The following SMAP1 variants were observed in gnomAD, a reference collection of about 807,000 sequenced individuals.
SMAP1 encodes stromal membrane-associated protein 1.
Under a neutral mutation model 58.5 loss-of-function variants are expected in SMAP1, and 24 were observed. That is an observed-to-expected ratio of 0.41 (90% confidence interval 0.30 to 0.58). The LOEUF is 0.58. SMAP1 is among the 20% of genes least tolerant of loss of function. SMAP1 has a pLI of 0.29. For missense variants in SMAP1, 563 were observed against 566.3 expected, an observed-to-expected ratio of 0.99 and a Z score of 0.06; for synonymous variants, 216 against 196.6, an observed-to-expected ratio of 1.10 and a Z score of -0.82.
chr6:70,790,064 C>T (rs898700369), intron 4 of SMAP1, among the ~76,000 whole-genome samples: 2 of 152,176 alleles, frequency 1.3e-5, no homozygotes, highest in African/African-American at 4.8e-5. Flanking sequence ...ATTTTTGTTC[C>T]ACTTTTCATG....
At chr6:70,709,462 G>A (rs1288544244) in intron 1 of SMAP1, among the ~76,000 whole-genome samples, 4 of 151,984 alleles carry the variant, frequency 2.6e-5, no homozygotes, top group South Asian at 2.1e-4. Context: ...CTGAGCCTGC[G>A]ACTGCAGGTG....
chr6:70,701,716 A>G (rs1485811436), intron 1 of SMAP1, among the ~76,000 whole-genome samples: 3 of 152,100 alleles, frequency 2.0e-5, no homozygotes, highest in Non-Finnish European at 4.4e-5. Flanking sequence ...TCTCTGTCAT[A>G]CAGCTGCTGT....
chr6:70,847,740 A>C (rs1312352582), intron 7 of SMAP1, among the ~76,000 whole-genome samples: 3 of 152,060 alleles, frequency 2.0e-5, no homozygotes, highest in African/African-American at 7.2e-5. Flanking sequence ...ATACTAATTA[A>C]AGGGGGACTG....
chr6:70,814,164 T>A (rs1387884141), intron 6 of SMAP1, among the ~76,000 whole-genome samples: 1 of 152,152 alleles, frequency 6.6e-6, no homozygotes, highest in East Asian at 1.9e-4. Flanking sequence ...TCTTTTACAG[T>A]TGCCTCTTTC....
At position 70,786,962 on chromosome 6, in the gene SMAP1, A is replaced by G. The variant is rs528660101; in HGVS notation, c.415-4727A>G. ...TGGAAAAAACTACTTTAAAGTTCAT[A>G]TGGAACCAAAAAAGAGCCCGCATCG... On this transcript the variant is annotated intron_variant, in intron 4 of 10. Coordinates refer to ENST00000370455, the MANE Select transcript of SMAP1 (RefSeq NM_001044305.3). Among the ~76,000 whole-genome samples, 278 of 152,274 alleles carry G rather than the reference A, an allele frequency of 1.8e-3. 4 individuals carry two copies. Among genetic ancestry groups the G allele is most frequent in the East Asian group, 6.4e-3 (33 of 5,186 alleles).
At chr6:70,770,524 C>G (rs1005805807) in intron 3 of SMAP1, among the ~76,000 whole-genome samples, 1 of 152,202 alleles carries the variant, frequency 6.6e-6, no homozygotes, top group Non-Finnish European at 1.5e-5. Flanking sequence ...GACACCCTTT[C>G]TTCCAGTTGA....
intron 1 of SMAP1, among the ~76,000 whole-genome samples, chr6:70,708,985 A>G (rs895207825): frequency 2.0e-5 from 3 of 151,882 alleles, no homozygotes; most frequent in Non-Finnish European, 4.4e-5. Context: ...CCACTTGTTT[A>G]TTTTTGCTTT....
intron 4 of SMAP1, among the ~76,000 whole-genome samples, chr6:70,778,155 T>TA (rs1245154346): frequency 6.6e-6 from 1 of 152,180 alleles, no homozygotes; most frequent in Non-Finnish European, 1.5e-5. Context: ...ATGGAATGTG[T>TA]AAAAATCACA....
chr6:70,847,764 C>T (rs942404911), intron 7 of SMAP1, among the ~76,000 whole-genome samples: 1 of 152,170 alleles, frequency 6.6e-6, no homozygotes, highest in South Asian at 2.1e-4. Flanking sequence ...CCTCCTGCTG[C>T]TCCCACCATC....
intron 6 of SMAP1, among the ~76,000 whole-genome samples, chr6:70,826,040 C>T (rs74499620): frequency 7.9e-5 from 12 of 152,194 alleles, no homozygotes; most frequent in Non-Finnish European, 1.3e-4. Flanking sequence ...TGGTATGTAA[C>T]GATAAAATGT....
intron 7 of SMAP1, among the ~76,000 whole-genome samples, chr6:70,846,472 C>T (rs776752296): frequency 6.6e-5 from 10 of 152,106 alleles, no homozygotes; most frequent in Non-Finnish European, 1.2e-4. Flanking sequence ...CCTGTTCAGC[C>T]TAAGAACATT....
At chr6:70,679,373 G>C (rs1311988252) in intron 1 of SMAP1, among the ~76,000 whole-genome samples, 1 of 152,112 alleles carries the variant, frequency 6.6e-6, no homozygotes, top group Non-Finnish European at 1.5e-5. Context: ...GATGGTATGG[G>C]ATGATGAAGT....
chr6:70,859,210 A>T lies in SMAP1; in HGVS notation c.1269+981A>T, dbSNP rs147083331. 1.1e-5 allele frequency: 7 copies of T among 626,688 alleles called. No homozygotes were observed. In the East Asian group the frequency reaches 1.4e-4, roughly 13 times the overall value. The allele number at this position is 626,688 out of a possible 1,614,324, so 38.8% of individuals were successfully genotyped here. On this transcript the variant is annotated intron_variant, in intron 10 of 10. Coordinates refer to ENST00000370455, the MANE Select transcript of SMAP1 (RefSeq NM_001044305.3). ...AAAACATTGGTCTCTACCCGCTGGG[A>T]ATCTAAAAAATTGTATGTGCTAAGT...
chr6:70,691,694 G>C (rs963383399), intron 1 of SMAP1, among the ~76,000 whole-genome samples: 3 of 152,112 alleles, frequency 2.0e-5, no homozygotes, highest in Non-Finnish European at 2.9e-5. Context: ...TCCTATAAAA[G>C]AGTGAGAATG....
intron 1 of SMAP1, among the ~76,000 whole-genome samples, chr6:70,719,606 T>TTA (rs568001674): frequency 5.0e-4 from 76 of 152,278 alleles, no homozygotes; most frequent in African/African-American, 1.5e-3. Flanking sequence ...CACGCTGCTG[T>TTA]TAAAGACGTA....
At chr6:70,785,588 A>T (rs1767977632) in intron 4 of SMAP1, among the ~76,000 whole-genome samples, 1 of 152,224 alleles carries the variant, frequency 6.6e-6, no homozygotes, top group Non-Finnish European at 1.5e-5. Context: ...GAGAAGAATC[A>T]AATAGACGCA....
intron 1 of SMAP1, chr6:70,668,817 C>T: frequency 7.4e-7 from 1 of 1,343,796 alleles, no homozygotes; most frequent in Non-Finnish European, 1.0e-6. Flanking sequence ...AGAGGAATTT[C>T]ATTACATGAG....
chr6:70,837,084 A>C, intron 7 of SMAP1, 56 bp downstream of exon 7: 1 of 1,301,352 alleles, frequency 7.7e-7, no homozygotes, highest in East Asian at 2.7e-5. Flanking sequence ...TGAAACCTTT[A>C]CTTGGAGTGA....
intron 1 of SMAP1, among the ~76,000 whole-genome samples, chr6:70,686,984 GTCTC>G (rs1174851317): frequency 5.3e-5 from 8 of 152,082 alleles, no homozygotes; most frequent in Non-Finnish European, 1.0e-4. Flanking sequence ...CATTGTGGCT[GTCTC>G]TCTGTGTTTT....
Sources: allele counts gnomAD v4.1 joint callset (sites outside exome capture counted in the v4.1 genomes callset), GRCh38; gene constraint gnomAD v4.1.1; transcripts MANE v1.5; gene names NCBI Gene and HGNC (gene_info 2026-07-23, HGNC 2026-07-21).